The following C3orf85 variants were observed in gnomAD, a reference collection of about 807,000 sequenced individuals.
C3orf85 encodes chromosome 3 open reading frame 85.
A neutral mutation model predicts 1.7 loss-of-function variants in C3orf85; 1 was observed. The observed-to-expected ratio is 0.60, with a 90% CI of 0.21 to 2.86. The LOEUF (loss-of-function observed/expected upper bound fraction) is 2.86. C3orf85 is among the 30% of genes most tolerant of loss of function. The pLI is 0.22. For synonymous variants in C3orf85, 17 were observed against 8.0 expected, an observed-to-expected ratio of 2.13 and a Z score of -1.90; for missense variants, 29 against 21.3, an observed-to-expected ratio of 1.36 and a Z score of -0.72.
In C3orf85 at chr3:109,147,066, C is replaced by T. The variant is rs78312058; in HGVS notation, c.50-1187C>T. 6.8e-3 allele frequency among the ~76,000 whole-genome samples: 1,039 copies of T among 152,286 alleles called. 4 individuals carry two copies. Among genetic ancestry groups the T allele is most frequent in the African/African-American group, 0.023 (971 of 41,552 alleles). Reference sequence around the variant, plus strand: ...TAAGATACTGAAACACATCATTCCTCTGGCTTAAATTTTTTAAAAAATGTT... The same window carrying T: ...TAAGATACTGAAACACATCATTCCTTTGGCTTAAATTTTTTAAAAAATGTT... On this transcript the variant is annotated intron_variant, in intron 2 of 3. Transcript: ENST00000622536.
At position 109,150,737 on chromosome 3, in the gene C3orf85, CAAAATCACAGGT is replaced by C. The variant is rs1706860059; in HGVS notation, c.*847_*858del. On this transcript the variant is annotated 3_prime_UTR_variant, in exon 4 of 4. Coordinates refer to ENST00000622536, the MANE Select transcript of C3orf85 (RefSeq NM_001351622.2). ...ACAACTAATTGCCAAGATTGCCCCC[CAAAATCACAGGT>C]AAATGGAATTTTTGTCTTCAGAAGT... 6.6e-6 allele frequency among the ~76,000 whole-genome samples: 1 copy of C among 152,126 alleles called. No homozygotes were observed. The highest frequency in any genetic ancestry group is 2.4e-5 in the African/African-American group (1 of 41,432).
chr3:109,148,319 T>C lies in C3orf85; in HGVS notation c.116T>C (p.Val39Ala), dbSNP rs2107837120. Reference sequence around the variant, plus strand: ...CAGTTCCTACGTCTCAAAAGACATGTAAATTTGCAGGATTACTGGGACCCA... The same window carrying C: ...CAGTTCCTACGTCTCAAAAGACATGCAAATTTGCAGGATTACTGGGACCCA... ...ANQFLRLKRH[V>A]NLQDYWDPDH... Residue 39 changes from valine to alanine, a missense_variant, in exon 3 of 4, where the codon GTA (valine) becomes GCA (alanine). Val to Ala is a moderately conservative substitution (Grantham distance 64). Coordinates refer to ENST00000622536, the MANE Select transcript of C3orf85 (RefSeq NM_001351622.2). 1.4e-6 allele frequency: 1 copy of C among 702,744 alleles called. No homozygotes were observed. The highest frequency in any genetic ancestry group is 2.0e-5 in the Admixed American group (1 of 50,006). The allele number at this position is 702,744 out of a possible 1,614,324, so 43.5% of individuals were successfully genotyped here. A position where few individuals can be genotyped will look rare whatever the true frequency, so the allele number is the denominator to read the frequency against.
chr3:109,144,232 A>C (rs1411781626), intron 2 of C3orf85, among the ~76,000 whole-genome samples: 1 of 152,158 alleles, frequency 6.6e-6, no homozygotes, highest in Non-Finnish European at 1.5e-5. Context: ...CTAACTTTCA[A>C]GGTTGATCAG....
At chr3:109,137,633 G>GTATATATA (rs1377271344) in intron 2 of C3orf85, among the ~76,000 whole-genome samples, 3 of 52,458 alleles carry the variant, frequency 5.7e-5, no homozygotes, top group African/African-American at 8.9e-5. Flanking sequence ...GTGTGTGTGT[G>GTATATATA]TGTGTATATA....
intron 2 of C3orf85, among the ~76,000 whole-genome samples, chr3:109,138,920 GA>G (rs560799266): frequency 3.4e-4 from 51 of 152,134 alleles, no homozygotes; most frequent in African/African-American, 1.1e-3. Context: ...GAGAGATAAA[GA>G]AAAAAAATTT....
Position 109,136,891 on chromosome 3 carries a change from T to C in C3orf85, c.44T>C (p.Leu15Pro). The change falls in exon 2 of 4, where the codon CTT (leucine) becomes CCT (proline). Residue 15 changes from leucine to proline, a missense_variant. Leu to Pro is a moderately conservative substitution (Grantham distance 98). Coordinates refer to ENST00000622536, the MANE Select transcript of C3orf85 (RefSeq NM_001351622.2). Reference protein sequence around the residue: ...MLQVVLCSTLLIGALGAPFLL... With the variant: ...MLQVVLCSTLPIGALGAPFLL... ...CAAGTAGTCCTGTGCTCAACATTGC[T>C]TATCGGTAAGAGCCTATTTCTTTTT... 2.4e-6 allele frequency: 1 copy of C among 423,330 alleles called. No individual in the cohort carries two copies. The highest frequency in any genetic ancestry group is 7.6e-5 in the South Asian group (1 of 13,156). The allele number at this position is 423,330 out of a possible 1,614,324, so 26.2% of individuals were successfully genotyped here.
At position 109,147,152 on chromosome 3, in the gene C3orf85, C is replaced by T. The variant is rs569168562; in HGVS notation, c.50-1101C>T. Reference sequence around the variant, plus strand: ...TTCAAGGAGCAGGTGAAACAACTTCCTTGACCGAGAAAACGCCTACTTGTA... The same window carrying T: ...TTCAAGGAGCAGGTGAAACAACTTCTTTGACCGAGAAAACGCCTACTTGTA... On this transcript the variant is annotated intron_variant, in intron 2 of 3. Coordinates refer to ENST00000622536, the MANE Select transcript of C3orf85 (RefSeq NM_001351622.2). Among the ~76,000 whole-genome samples, 5 of 152,182 alleles carry T rather than the reference C, an allele frequency of 3.3e-5. No homozygotes were observed. The South Asian group carries it at 6.2e-4, about 19-fold the overall frequency.
At chr3:109,138,004 T>C (rs1706699956) in intron 2 of C3orf85, among the ~76,000 whole-genome samples, 1 of 152,158 alleles carries the variant, frequency 6.6e-6, no homozygotes, top group Admixed American at 6.6e-5. Flanking sequence ...GGTGGATGCC[T>C]GCAAGGCTAA....
Position 109,150,548 on chromosome 3 carries a change from G to A in C3orf85, c.*654G>A, listed in dbSNP as rs1424161032. 6.6e-6 allele frequency: 1 copy of A among 152,120 alleles called. No homozygotes were observed. The highest frequency in any genetic ancestry group is 1.5e-5 in the Non-Finnish European group (1 of 68,000). 9.4% of individuals were successfully genotyped at this position (152,120 alleles called of 1,614,324 possible). A position where few individuals can be genotyped will look rare whatever the true frequency, so the allele number is the denominator to read the frequency against. On this transcript the variant is annotated 3_prime_UTR_variant, in exon 4 of 4. Coordinates refer to ENST00000622536, the MANE Select transcript of C3orf85 (RefSeq NM_001351622.2). ...TCTGTTCCACAATTTATTGATGTTT[G>A]TTTTAATGTGAAATAACAGTTTTGA...
chr3:109,143,161 G>T (rs1559969368), intron 2 of C3orf85, among the ~76,000 whole-genome samples: 1 of 152,206 alleles, frequency 6.6e-6, no homozygotes. Context: ...TACCCTAAAT[G>T]AGCTTCCTCT....
At chr3:109,137,637 G>GTGTATATATATATATATATATA (rs751674362) in intron 2 of C3orf85, among the ~76,000 whole-genome samples, 3 of 79,902 alleles carry the variant, frequency 3.8e-5, no homozygotes, top group East Asian at 4.4e-4. Context: ...GTGTGTGTGT[G>GTGTATATATATATATATATATA]TATATATATA....
chr3:109,143,921 A>C (rs571028294), intron 2 of C3orf85, among the ~76,000 whole-genome samples: 2 of 152,278 alleles, frequency 1.3e-5, no homozygotes, highest in African/African-American at 4.8e-5. Flanking sequence ...TACTTTACAG[A>C]ATTTTCTGCA....
intron 2 of C3orf85, among the ~76,000 whole-genome samples, chr3:109,147,617 A>G (rs527800485): frequency 6.6e-6 from 1 of 152,208 alleles, no homozygotes; most frequent in African/African-American, 2.4e-5. Flanking sequence ...AAAAATTATC[A>G]TCTCTTTTTT....
At chr3:109,143,424 C>T (rs1706762546) in intron 2 of C3orf85, among the ~76,000 whole-genome samples, 2 of 152,144 alleles carry the variant, frequency 1.3e-5, no homozygotes, top group Admixed American at 1.3e-4. Context: ...GCTCATACTG[C>T]TCATTAGCCT....
At chr3:109,143,077 G>T (rs1706758565) in intron 2 of C3orf85, among the ~76,000 whole-genome samples, 1 of 152,154 alleles carries the variant, frequency 6.6e-6, no homozygotes, top group South Asian at 2.1e-4. Flanking sequence ...AAACTTCTTG[G>T]ATTTACAAAT....
chr3:109,149,408 G>T (rs1048828814), intron 3 of C3orf85: 12 of 153,290 alleles, frequency 7.8e-5, no homozygotes. Flanking sequence ...TTGTCCAATA[G>T]GCATTATTTA....
Position 109,139,551 on chromosome 3 carries a change from C to T in C3orf85, c.49+2655C>T, listed in dbSNP as rs148975020. 1.1e-3 allele frequency among the ~76,000 whole-genome samples: 164 copies of T among 152,184 alleles called. 3 individuals are homozygous for T. The highest frequency in any genetic ancestry group is 3.5e-3 in the African/African-American group (147 of 41,526). ...TTTTCTAAGTGAACCAACTTTTGAACGCTATTAAGATTTATACTGGGTTTT... is the reference window on the plus strand; with the variant it reads ...TTTTCTAAGTGAACCAACTTTTGAATGCTATTAAGATTTATACTGGGTTTT... On this transcript the variant is annotated intron_variant, in intron 2 of 3. Coordinates refer to ENST00000622536, the MANE Select transcript of C3orf85 (RefSeq NM_001351622.2).
intron 2 of C3orf85, among the ~76,000 whole-genome samples, chr3:109,143,314 T>C (rs1658511995): frequency 6.6e-6 from 1 of 152,232 alleles, no homozygotes; most frequent in African/African-American, 2.4e-5. Flanking sequence ...GTATAGAATA[T>C]TGTCTTTTCC....
In C3orf85 at chr3:109,149,862, A is replaced by G. The variant is rs1706849027; in HGVS notation, c.241A>G (p.Thr81Ala). 1 of 398,498 alleles carries G rather than the reference A, an allele frequency of 2.5e-6. No homozygotes were observed. The highest frequency in any genetic ancestry group is 4.4e-6 in the Non-Finnish European group (1 of 225,676). 24.7% of individuals were successfully genotyped at this position (398,498 alleles called of 1,614,324 possible). Residue 81 changes from threonine to alanine, a missense_variant, in exon 4 of 4, where the codon ACC (threonine) becomes GCC (alanine). Transcript: ENST00000622536. ...TTAQYYLDMN[T>A]FTFDMSTAQ Reference sequence around the variant, plus strand: ...AGCACAGTATTATTTGGATATGAATACCTTCACCTTTGACATGTCTACTGC... The same window carrying G: ...AGCACAGTATTATTTGGATATGAATGCCTTCACCTTTGACATGTCTACTGC...
Sources: gnomAD v4.1 joint callset for allele counts (sites outside exome capture counted in the v4.1 genomes callset) on GRCh38, gnomAD v4.1.1 for gene constraint, MANE v1.5 for transcripts, NCBI Gene and HGNC (gene_info 2026-07-23, HGNC 2026-07-21) for gene names.